ULK3: variants seen among roughly 807,000 people sequenced by gnomAD.
The protein encoded by ULK3 is serine/threonine-protein kinase ULK3.
A neutral mutation model predicts 69.4 loss-of-function variants in ULK3; 54 were observed. The ratio of observed to expected loss-of-function variants is 0.78; its 90% CI spans 0.63 to 0.98. The LOEUF is 0.98. Ranked by LOEUF, ULK3 falls within the 50% of genes least tolerant of loss-of-function variation. The probability of loss-of-function intolerance (pLI) is 0.00; values close to 1 mark genes in which losing one functional copy is unlikely to be tolerated. For synonymous variants in ULK3, 240 were observed against 254.5 expected, an observed-to-expected ratio of 0.94 and a Z score of 0.54; for missense variants, 558 against 627.7, an observed-to-expected ratio of 0.89 and a Z score of 1.19.
chr15:74,840,349 G>A (rs1279128018), intron 5 of ULK3, 33 bp from the exon 6 acceptor site: 4 of 1,593,718 alleles, frequency 2.5e-6, no homozygotes, highest in Non-Finnish European at 3.4e-6. Flanking sequence ...AGGCTGGGAG[G>A]GAATGGGTCA....
rs1479664335 is a variant in ULK3, at chr15:74,840,630, C to T, written c.481G>A (p.Ala161Thr). 8.9e-6 allele frequency: 14 copies of T among 1,568,890 alleles called. No homozygotes were observed. Among genetic ancestry groups the T allele is most frequent in the Non-Finnish European group, 1.2e-5 (14 of 1,159,976 alleles). ...TCATCCCACGGGGACATGTGTTGTG[C>T]GAAACCAAAGTCTGCAGGCAAGAGG... The part of the protein sequence containing the change: ...PHLKLADFGF[A>T]QHMSPWDEKH... The change falls in exon 5 of 16, where the codon GCA (alanine) becomes ACA (threonine). Residue 161 changes from alanine (A) to threonine (T), a missense_variant. Coordinates refer to ENST00000440863, the MANE Select transcript of ULK3 (RefSeq NM_001099436.4).
In ULK3 at chr15:74,842,307, G is replaced by A. The variant is rs988576408; in HGVS notation, c.216C>T (p.Pro72=). The change falls in exon 2 of 16, where the codon CCC becomes CCT. Residue 72 remains proline, a synonymous_variant. Coordinates refer to ENST00000440863, the MANE Select transcript of ULK3 (RefSeq NM_001099436.4). The surrounding 1 kb of genome is among the most constrained non-coding windows in gnomAD (Gnocchi z 4.9). The part of the protein sequence containing the change: ...EIEILKGIRH[P]HIVQLKDFQW... Reference sequence around the variant, plus strand: ...GAAAGTCTTTCAGCTGCACAATGTGGGGATGTCGAATGCCCTTGAGGATCT... The same window carrying A: ...GAAAGTCTTTCAGCTGCACAATGTGAGGATGTCGAATGCCCTTGAGGATCT... 1 of 1,614,014 alleles carries A rather than the reference G, an allele frequency of 6.2e-7. No individual in the cohort carries two copies. Among genetic ancestry groups the A allele is most frequent in the Non-Finnish European group, 8.5e-7 (1 of 1,179,898 alleles).
chr15:74,837,832 G>C (rs766467349), intron 13 of ULK3, 34 bp from the exon 14 acceptor site: 2 of 1,564,248 alleles, frequency 1.3e-6, no homozygotes, highest in South Asian at 1.2e-5. Flanking sequence ...GGGTGTGGGG[G>C]AGAGTGGCGG....
chr15:74,840,748 C>A, intron 4 of ULK3, 107 bp from the exon 5 acceptor site: 1 of 1,398,350 alleles, frequency 7.2e-7, no homozygotes, highest in African/African-American at 1.5e-5. Flanking sequence ...CCGCCAGGAT[C>A]AACCCTATTT....
Position 74,836,283 on chromosome 15 carries a change from C to T in ULK3, c.*945G>A, listed in dbSNP as rs2064015647. ...AAGAAACTCTCAAATACATTCTTTT[C>T]CAGGTTAAATTCACTTTGTCCTCAT... On this transcript the variant is annotated 3_prime_UTR_variant, in exon 16 of 16. Transcript: ENST00000440863. This position sits in a 1 kb window ranked among gnomAD's most constrained non-coding sequence, Gnocchi z 4.0. The T allele has an allele frequency of 1.3e-5, 2 of 152,310 alleles. No individual in the cohort carries two copies. The highest frequency in any genetic ancestry group is 4.1e-4 in the South Asian group (2 of 4,826). 9.4% of individuals were successfully genotyped at this position (152,310 alleles called of 1,614,324 possible). A position where few individuals can be genotyped will look rare whatever the true frequency, so the allele number is the denominator to read the frequency against.
chr15:74,838,414 C>A, intron 11 of ULK3, 26 bp downstream of exon 11: 1 of 1,566,202 alleles, frequency 6.4e-7, no homozygotes, highest in Non-Finnish European at 8.7e-7. Context: ...CCCCGACCCA[C>A]CTGGACCCCT....
In ULK3 at chr15:74,842,945, C is replaced by G. The variant is rs2064316534; in HGVS notation, c.102+59G>C. ...ACTGTCGCTAACCTCTCAGAGTCTC[C>G]CCGGCCGGCACCAGCCGAGCTAGCT... On this transcript the variant is annotated intron_variant, in intron 1 of 15. Transcript: ENST00000440863. The surrounding 1 kb of genome is among the most constrained non-coding windows in gnomAD (Gnocchi z 4.9). 3 of 1,513,664 alleles carry G rather than the reference C, an allele frequency of 2.0e-6. No individual in the cohort carries two copies. The highest frequency in any genetic ancestry group is 4.3e-5 in the Admixed American group (2 of 46,434). The allele number at this position is 1,513,664 out of a possible 1,614,324, so 93.8% of individuals were successfully genotyped here. A position where few individuals can be genotyped will look rare whatever the true frequency, so the allele number is the denominator to read the frequency against.
At position 74,842,459 on chromosome 15, in the gene ULK3, G is replaced by A; in HGVS notation, c.103-39C>T. 1 of 1,613,232 alleles carries A rather than the reference G, an allele frequency of 6.2e-7. No individual in the cohort carries two copies. Among genetic ancestry groups the A allele is most frequent in the Non-Finnish European group, 8.5e-7 (1 of 1,179,886 alleles). ...GATTTGGGGACTCTGCCTTGAGGGGGCCAGGACCCTTGTCTGACTGGAAAG... is the reference window on the plus strand; with the variant it reads ...GATTTGGGGACTCTGCCTTGAGGGGACCAGGACCCTTGTCTGACTGGAAAG... On this transcript the variant is annotated intron_variant, in intron 1 of 15. Coordinates refer to ENST00000440863, the MANE Select transcript of ULK3 (RefSeq NM_001099436.4). This position sits in a 1 kb window ranked among gnomAD's most constrained non-coding sequence, Gnocchi z 4.9.
chr15:74,840,855 T>A, intron 4 of ULK3: 1 of 604,104 alleles, frequency 1.7e-6, no homozygotes, highest in Non-Finnish European at 2.7e-6. Context: ...GGGCACCTTT[T>A]CCTAGGAAGC....
chr15:74,839,886 T>A (rs987203636), intron 6 of ULK3, among the ~76,000 whole-genome samples, 173 bp from the exon 7 acceptor site: 2 of 152,018 alleles, frequency 1.3e-5, no homozygotes, highest in Non-Finnish European at 2.9e-5. Context: ...GAGGCCTCCA[T>A]CCCTGGGCTC....
chr15:74,842,795 T>TTG lies in ULK3; in HGVS notation c.102+208_102+209insCA. On this transcript the variant is annotated intron_variant, in intron 1 of 15. Coordinates refer to ENST00000440863, the MANE Select transcript of ULK3 (RefSeq NM_001099436.4). This position sits in a 1 kb window ranked among gnomAD's most constrained non-coding sequence, Gnocchi z 4.9. Reference sequence around the variant, plus strand: ...CAGGTAACCTGTTTTGAGCCTGTTCTTCAGCCACTGACCCTGCAGGTGGGT... The same window carrying TTG: ...CAGGTAACCTGTTTTGAGCCTGTTCTTGTCAGCCACTGACCCTGCAGGTGGGT... 6.9e-7 allele frequency: 1 copy of TTG among 1,453,942 alleles called. No individual in the cohort carries two copies. Among genetic ancestry groups the TTG allele is most frequent in the African/African-American group, 1.4e-5 (1 of 71,508 alleles). 90.1% of individuals were successfully genotyped at this position (1,453,942 alleles called of 1,614,324 possible). A position where few individuals can be genotyped will look rare whatever the true frequency, so the allele number is the denominator to read the frequency against.
At position 74,842,537 on chromosome 15, in the gene ULK3, ACTG is replaced by A. The variant is rs1192593121; in HGVS notation, c.103-120_103-118del. ...ACCCCGCCCCTCCCCGGGTCTACCTACTGCACACCAGCACCGGGCTTCCCAGCT... is the reference window on the plus strand; with the variant it reads ...ACCCCGCCCCTCCCCGGGTCTACCTACACACCAGCACCGGGCTTCCCAGCT... On this transcript the variant is annotated intron_variant, in intron 1 of 15. Coordinates refer to ENST00000440863, the MANE Select transcript of ULK3 (RefSeq NM_001099436.4). This position sits in a 1 kb window ranked among gnomAD's most constrained non-coding sequence, Gnocchi z 4.9. 18 of 1,597,124 alleles carry A rather than the reference ACTG, an allele frequency of 1.1e-5. No individual in the cohort carries two copies. Among genetic ancestry groups the A allele is most frequent in the Non-Finnish European group, 1.5e-5 (18 of 1,178,866 alleles).
chr15:74,841,002 C>A (rs1387916255), intron 4 of ULK3, among the ~76,000 whole-genome samples: 1 of 152,164 alleles, frequency 6.6e-6, no homozygotes, highest in Non-Finnish European at 1.5e-5. Context: ...TACTCCCCCA[C>A]CACACCCCTC....
In ULK3 at chr15:74,837,431, C is replaced by T; in HGVS notation, c.1340G>A (p.Arg447Lys). The change falls in exon 15 of 16, where the codon AGG becomes AAG. Residue 447 changes from arginine to lysine, a missense_variant. Coordinates refer to ENST00000440863, the MANE Select transcript of ULK3 (RefSeq NM_001099436.4). ...AEYLKEQVKM[R>K]ESRWEADTLD... ...GGTGTCAGCTTCCCAGCGAGATTCC[C>T]TCATCTGTGGGATGTGAAGGCAGCA... is the stretch of plus-strand genomic sequence containing the variant. The T allele has an allele frequency of 6.2e-7, 1 of 1,611,616 alleles. No homozygotes were observed. The highest frequency in any genetic ancestry group is 8.5e-7 in the Non-Finnish European group (1 of 1,178,962).
rs1221855779 is a variant in ULK3, at chr15:74,842,772, G to C, written c.102+232C>G. ...GTCCCAGACTCCTCCCAGCCCACCA[G>C]GTAACCTGTTTTGAGCCTGTTCTTC... On this transcript the variant is annotated intron_variant, in intron 1 of 15. Coordinates refer to ENST00000440863, the MANE Select transcript of ULK3 (RefSeq NM_001099436.4). This position sits in a 1 kb window ranked among gnomAD's most constrained non-coding sequence, Gnocchi z 4.9. The C allele has an allele frequency of 6.7e-7, 1 of 1,489,960 alleles. No individual in the cohort carries two copies. The highest frequency in any genetic ancestry group is 8.9e-7 in the Non-Finnish European group (1 of 1,118,714). The allele number at this position is 1,489,960 out of a possible 1,614,324, so 92.3% of individuals were successfully genotyped here.
chr15:74,840,850 C>A (rs912792143), intron 4 of ULK3: 4 of 634,050 alleles, frequency 6.3e-6, no homozygotes, highest in Non-Finnish European at 1.0e-5. Flanking sequence ...CCCTTGGGCA[C>A]CTTTTCCTAG....
chr15:74,837,824 G>T, intron 13 of ULK3, 26 bp from the exon 14 acceptor site: 2 of 1,581,160 alleles, frequency 1.3e-6, no homozygotes, highest in Non-Finnish European at 1.7e-6. Flanking sequence ...ATGCCCTTGG[G>T]TGTGGGGGAG....
Position 74,837,227 on chromosome 15 carries a change from G to A in ULK3, c.*1C>T, listed in dbSNP as rs377450381. Reference sequence around the variant, plus strand: ...ACATCTGTCCAATCATTCTTCTAGGGTCACTGAAGGGTGCAAGCTACGGGG... The same window carrying A: ...ACATCTGTCCAATCATTCTTCTAGGATCACTGAAGGGTGCAAGCTACGGGG... On this transcript the variant is annotated 3_prime_UTR_variant, in exon 16 of 16. Transcript: ENST00000440863. The A allele has an allele frequency of 3.2e-6, 5 of 1,565,772 alleles. No individual in the cohort carries two copies. The highest frequency in any genetic ancestry group is 1.7e-4 in the Middle Eastern group (1 of 5,818).
chr15:74,837,386 G>A lies in ULK3; in HGVS notation c.1385C>T (p.Ser462Leu), dbSNP rs769848635. The A allele has an allele frequency of 2.9e-5, 47 of 1,612,930 alleles. No homozygotes were observed. Among genetic ancestry groups the A allele is most frequent in the East Asian group, 4.5e-5 (2 of 44,842 alleles). ...EADTLDKEGL[S>L]ESVRSSCTLQ ...GGACTCACAGCTACGAACAGATTCC[G>A]ACAGTCCCTCTTTGTCCAGGGTGTC... The change falls in exon 15 of 16, where the codon TCG (serine) becomes TTG (leucine). Residue 462 changes from serine (S) to leucine (L), a missense_variant. Physicochemically the swap from Ser to Leu is moderately radical, Grantham distance 145. Coordinates refer to ENST00000440863, the MANE Select transcript of ULK3 (RefSeq NM_001099436.4).
Sources: gnomAD v4.1 joint callset for allele counts (sites outside exome capture counted in the v4.1 genomes callset) on GRCh38, gnomAD v4.1.1 for gene constraint, Gnocchi (gnomAD v3.1) non-coding constraint, MANE v1.5 for transcripts, NCBI Gene and HGNC (gene_info 2026-07-23, HGNC 2026-07-21) for gene names.